Variants in GALNTL5 observed in about 807,000 individuals in gnomAD.
The protein encoded by GALNTL5 is polypeptide N-acetylgalactosaminyltransferase like 5.
In GALNTL5, 44 loss-of-function variants were observed where a neutral mutation model predicts 51.0. That is an observed-to-expected ratio of 0.86 (90% CI 0.68 to 1.11). The LOEUF is 1.11. Ranked by LOEUF, GALNTL5 falls within the 50% of genes least tolerant of loss-of-function variation. The pLI, the probability that GALNTL5 is intolerant of heterozygous loss-of-function variation, is 0.00. For missense variants in GALNTL5, 528 were observed against 531.8 expected, an observed-to-expected ratio of 0.99 and a Z score of 0.07; for synonymous variants, 192 against 182.8, an observed-to-expected ratio of 1.05 and a Z score of -0.41.
intron 3 of GALNTL5, among the ~76,000 whole-genome samples, chr7:151,980,966 C>T (rs564483257): frequency 2.0e-5 from 3 of 151,796 alleles, no homozygotes; most frequent in African/African-American, 7.3e-5. Context: ...AGGATGGTCT[C>T]GATCTCCTGA....
chr7:151,998,626 G>C (rs910314118), intron 5 of GALNTL5, among the ~76,000 whole-genome samples: 5 of 152,098 alleles, frequency 3.3e-5, no homozygotes, highest in African/African-American at 1.2e-4. Flanking sequence ...ACAAAAATTA[G>C]CTGGACATGT....
At chr7:152,014,464 C>T (rs1330962483) in intron 7 of GALNTL5, among the ~76,000 whole-genome samples, 180 bp from the exon 8 acceptor site, 1 of 152,172 alleles carries the variant, frequency 6.6e-6, no homozygotes, top group Non-Finnish European at 1.5e-5. Flanking sequence ...GAGAGGGTTT[C>T]ACCACGTTGG....
chr7:151,959,883 A>G (rs989709068), intron 1 of GALNTL5, among the ~76,000 whole-genome samples: 22 of 152,050 alleles, frequency 1.4e-4, no homozygotes, highest in African/African-American at 5.3e-4. Context: ...GTAGGCTCAG[A>G]GGGTTCCTGT....
At chr7:151,970,753 C>G (rs2081124690) in intron 2 of GALNTL5, 192 bp from the exon 3 acceptor site, 8 of 414,688 alleles carry the variant, frequency 1.9e-5, no homozygotes, top group Non-Finnish European at 3.6e-5. Context: ...TCAGGTATTC[C>G]TTTATAGCAA....
chr7:151,964,076 C>G (rs1320072229), intron 1 of GALNTL5, among the ~76,000 whole-genome samples: 2 of 152,152 alleles, frequency 1.3e-5, no homozygotes, highest in Non-Finnish European at 2.9e-5. Flanking sequence ...TTTGGTTTCC[C>G]TGAGGCCTGT....
chr7:151,970,738 C>T, intron 2 of GALNTL5: 1 of 339,178 alleles, frequency 2.9e-6, no homozygotes, highest in Non-Finnish European at 5.5e-6. Context: ...ATAAATTACC[C>T]AGCCTCAGGT....
chr7:151,980,737 AT>A (rs61288964), intron 3 of GALNTL5, among the ~76,000 whole-genome samples: 4,768 of 98,292 alleles, frequency 0.049, 308 homozygotes, highest in African/African-American at 0.15. Context: ...GCTAACAATG[AT>A]TTTTTTTTTT....
At chr7:151,993,882 A>G (rs997464066) in intron 5 of GALNTL5, among the ~76,000 whole-genome samples, 2 of 152,112 alleles carry the variant, frequency 1.3e-5, no homozygotes, top group African/African-American at 4.8e-5. Flanking sequence ...TTAACCTCTC[A>G]AAGTGCTGGG....
At chr7:151,978,577 T>C (rs1419433563) in intron 3 of GALNTL5, among the ~76,000 whole-genome samples, 1 of 152,182 alleles carries the variant, frequency 6.6e-6, no homozygotes, top group Non-Finnish European at 1.5e-5. Flanking sequence ...AAATATTGGT[T>C]TGGTAGGGCT....
intron 8 of GALNTL5, 94 bp from the exon 9 acceptor site, chr7:152,019,552 G>T: frequency 7.9e-7 from 1 of 1,264,770 alleles, no homozygotes; most frequent in Non-Finnish European, 1.1e-6. Context: ...TAGTTCACAT[G>T]ATGAAAATAC....
chr7:151,991,027 T>C (rs2151951202), intron 5 of GALNTL5, among the ~76,000 whole-genome samples: 1 of 152,350 alleles, frequency 6.6e-6, no homozygotes, highest in East Asian at 1.9e-4. Flanking sequence ...TTTTGGGTTT[T>C]GTCTCCTGTT....
intron 3 of GALNTL5, among the ~76,000 whole-genome samples, chr7:151,972,422 C>G (rs1253631218): frequency 1.3e-5 from 2 of 152,226 alleles, no homozygotes; most frequent in Non-Finnish European, 2.9e-5. Context: ...CCCAATCCAG[C>G]TGCAGAAATT....
At chr7:151,979,276 AT>A (rs10681163) in intron 3 of GALNTL5, among the ~76,000 whole-genome samples, 94 of 131,430 alleles carry the variant, frequency 7.2e-4, no homozygotes, top group East Asian at 1.1e-3. Context: ...CGCCCAGCTA[AT>A]TTTTTTTTTT....
chr7:152,014,561 C>G (rs1295429443), intron 7 of GALNTL5, 83 bp from the exon 8 acceptor site: 3 of 1,365,778 alleles, frequency 2.2e-6, no homozygotes, highest in Non-Finnish European at 3.0e-6. Context: ...AGCCACCGCA[C>G]CTGGCCATTA....
At chr7:152,002,662 C>T in intron 5 of GALNTL5, 52 bp from the exon 6 acceptor site, 1 of 1,585,388 alleles carries the variant, frequency 6.3e-7, no homozygotes, top group Non-Finnish European at 8.6e-7. Context: ...ATTTGGATTG[C>T]CGTATTTTTT....
intron 5 of GALNTL5, among the ~76,000 whole-genome samples, chr7:152,001,772 T>C (rs992654529): frequency 2.6e-5 from 4 of 152,192 alleles, no homozygotes; most frequent in Non-Finnish European, 5.9e-5. Context: ...CCAGCTGGGA[T>C]TGCAATAGGG....
intron 5 of GALNTL5, among the ~76,000 whole-genome samples, chr7:151,997,019 A>G: frequency 6.6e-6 from 1 of 152,328 alleles, no homozygotes; most frequent in Non-Finnish European, 1.5e-5. Context: ...AAAACAAGTT[A>G]ACAAACGTTG....
At position 152,013,319 on chromosome 7, in the gene GALNTL5, C is replaced by T. The variant is rs112000117; in HGVS notation, c.1027-1325C>T. Among the ~76,000 whole-genome samples the T allele has an allele frequency of 3.7e-4, 56 of 151,346 alleles. 1 individual carries two copies. Among genetic ancestry groups the T allele is most frequent in the Middle Eastern group, 3.4e-3 (1 of 294 alleles). ...GCATTTTACCCATGTAACACGCCTG[C>T]ACATGTACCCTTGAACTGAAAACAA... On this transcript the variant is annotated intron_variant, in intron 7 of 8. Transcript: ENST00000392800.
chr7:152,013,209 G>A (rs2081761663), intron 7 of GALNTL5, among the ~76,000 whole-genome samples: 1 of 152,100 alleles, frequency 6.6e-6, no homozygotes, highest in African/African-American at 2.4e-5. Flanking sequence ...ACTGTGGGAG[G>A]AGGGTGAGGA....
Sources: allele counts gnomAD v4.1 joint callset (sites outside exome capture counted in the v4.1 genomes callset), GRCh38; gene constraint gnomAD v4.1.1; transcripts MANE v1.5; gene names NCBI Gene and HGNC (gene_info 2026-07-23, HGNC 2026-07-21).